Variants in RNF220 observed in about 807,000 individuals in gnomAD.
RNF220 encodes the protein ring finger protein 220.
Under a neutral mutation model 67.1 loss-of-function variants are expected in RNF220, and 7 were observed. That is an observed-to-expected ratio of 0.10 (90% CI 0.06 to 0.20). The LOEUF is 0.20. Among genes scored for constraint, RNF220 ranks in the 10% least tolerant of loss-of-function variants. The probability of loss-of-function intolerance (pLI) is 1.00; values close to 1 mark genes in which losing one functional copy is unlikely to be tolerated. For synonymous variants in RNF220, 270 were observed against 283.2 expected (o/e 0.95, Z 0.47); for missense variants, 565 against 740.3 (o/e 0.76, Z 2.75).
chr1:44,525,474 T>C (rs1458724064), intron 2 of RNF220, among the ~76,000 whole-genome samples: 3 of 152,252 alleles, frequency 2.0e-5, no homozygotes, highest in Admixed American at 6.5e-5. Flanking sequence ...TTGAAACTGC[T>C]GCCCCGCTTT....
intron 2 of RNF220, among the ~76,000 whole-genome samples, chr1:44,443,945 GCC>G (rs1651817166): frequency 2.0e-5 from 3 of 152,156 alleles, no homozygotes; most frequent in Non-Finnish European, 2.9e-5. Flanking sequence ...ACAAAAATTA[GCC>G]GAACATGTTG....
Position 44,649,664 on chromosome 1 carries a change from C to G in RNF220, c.1449C>G (p.Ile483Met). 1 of 1,613,916 alleles carries G rather than the reference C, an allele frequency of 6.2e-7. No individual in the cohort carries two copies. Among genetic ancestry groups the G allele is most frequent in the Non-Finnish European group, 8.5e-7 (1 of 1,179,872 alleles). Residue 483 changes from isoleucine to methionine, a missense_variant, in exon 13 of 15, where the codon ATC becomes ATG. Transcript: ENST00000361799. This position sits in a 1 kb window ranked among gnomAD's most constrained non-coding sequence, Gnocchi z 5.9. ...KTCKNSDIEK[I>M]TEDSAVTTFE... ...AACCATGCCTTCCTTTTTACAGAAT[C>G]ACCGAAGATTCAGCTGTGACCACGT...
At chr1:44,510,744 C>T (rs563153096) in intron 2 of RNF220, among the ~76,000 whole-genome samples, 5 of 152,290 alleles carry the variant, frequency 3.3e-5, no homozygotes, top group Admixed American at 2.6e-4. Flanking sequence ...CCAGTCGTTA[C>T]GCACTGTGAG....
rs1249334632 is a variant in RNF220 at position 44,645,606 on chromosome 1, G to A, written c.1445+118G>A. 8.2e-6 allele frequency: 8 copies of A among 979,690 alleles called. No homozygotes were observed. The highest frequency in any genetic ancestry group is 1.2e-5 in the Non-Finnish European group (8 of 643,754). The allele number at this position is 979,690 out of a possible 1,614,324, so 60.7% of individuals were successfully genotyped here. A position where few individuals can be genotyped will look rare whatever the true frequency, so the allele number is the denominator to read the frequency against. ...GCCCTCCCAAGTGCAGCTCAGTGCTGCTGCCCTGGGCACACGGCCGGCAGT... is the reference window on the plus strand; with the variant it reads ...GCCCTCCCAAGTGCAGCTCAGTGCTACTGCCCTGGGCACACGGCCGGCAGT... On this transcript the variant is annotated intron_variant, in intron 12 of 14. Coordinates refer to ENST00000361799, the MANE Select transcript of RNF220 (RefSeq NM_018150.4). This position sits in a 1 kb window ranked among gnomAD's most constrained non-coding sequence, Gnocchi z 5.0.
In RNF220 at chr1:44,606,188, C is replaced by T. The variant is rs1183383504; in HGVS notation, c.626-7977C>T. 2.6e-5 allele frequency among the ~76,000 whole-genome samples: 4 copies of T among 152,242 alleles called. No homozygotes were observed. Among genetic ancestry groups the T allele is most frequent in the South Asian group, 2.1e-4 (1 of 4,824 alleles). ...TATTTGACGTATTAATAAAACCAGC[C>T]GCATTGCTCTGGCCCGGAGACTGGG... On this transcript the variant is annotated intron_variant, in intron 2 of 14. Transcript: ENST00000361799. This position sits in a 1 kb window ranked among gnomAD's most constrained non-coding sequence, Gnocchi z 4.2.
At chr1:44,430,461 G>A (rs7546419) in intron 2 of RNF220, among the ~76,000 whole-genome samples, 15,114 of 152,096 alleles carry the variant, frequency 0.099, 936 homozygotes, top group Middle Eastern at 0.22. Context: ...TGGATGAAGA[G>A]TATATGGAAA....
At chr1:44,479,202 G>A (rs578032683) in intron 2 of RNF220, among the ~76,000 whole-genome samples, 75 of 150,270 alleles carry the variant, frequency 5.0e-4, no homozygotes, top group Non-Finnish European at 7.4e-4. Flanking sequence ...TGCAACCTCC[G>A]CCTCCCGGGT....
intron 2 of RNF220, among the ~76,000 whole-genome samples, chr1:44,524,659 G>A (rs775189691): frequency 2.6e-5 from 4 of 151,944 alleles, no homozygotes; most frequent in African/African-American, 4.8e-5. Context: ...CACGCTTATC[G>A]CCTTTTTCCC....
At chr1:44,635,975 G>A in intron 7 of RNF220, 55 bp from the exon 8 acceptor site, 1 of 1,612,754 alleles carries the variant, frequency 6.2e-7, no homozygotes, top group South Asian at 1.1e-5. Context: ...TGCAGACTGT[G>A]GGGAGCAGGT....
chr1:44,507,865 G>GC (rs893642021), intron 2 of RNF220, among the ~76,000 whole-genome samples: 43 of 151,054 alleles, frequency 2.8e-4, no homozygotes, highest in East Asian at 1.8e-3. Context: ...GTGTGGAGGT[G>GC]CCCCCCCCTC....
intron 2 of RNF220, among the ~76,000 whole-genome samples, chr1:44,469,967 G>T (rs2147988318): frequency 6.6e-6 from 1 of 152,308 alleles, no homozygotes; most frequent in South Asian, 2.1e-4. Context: ...CCCTTAAAGG[G>T]TTTGAATGGG....
intron 5 of RNF220, chr1:44,626,704 A>G: frequency 3.1e-6 from 1 of 326,284 alleles, no homozygotes; most frequent in South Asian, 5.2e-5. Context: ...TAAGAGACCC[A>G]GATACATAGC....
intron 2 of RNF220, among the ~76,000 whole-genome samples, chr1:44,537,825 G>A (rs147176579): frequency 1.5e-3 from 226 of 152,256 alleles, no homozygotes; most frequent in Non-Finnish European, 5.9e-4. Flanking sequence ...TGACCAGCCC[G>A]CCTTTGTTCT....
At chr1:44,572,964 T>C (rs1046119945) in intron 2 of RNF220, 1 of 406,808 alleles carries the variant, frequency 2.5e-6, no homozygotes, top group Admixed American at 2.7e-5. Flanking sequence ...TGGATAAAGA[T>C]GTGGAGACTT....
intron 2 of RNF220, among the ~76,000 whole-genome samples, chr1:44,528,418 A>G: frequency 6.6e-6 from 1 of 151,556 alleles, no homozygotes; most frequent in Non-Finnish European, 1.5e-5. Flanking sequence ...CTCCTGCCTC[A>G]GCCTCCCCAG....
At chr1:44,485,625 T>C (rs1656217740) in intron 2 of RNF220, among the ~76,000 whole-genome samples, 1 of 152,234 alleles carries the variant, frequency 6.6e-6, no homozygotes, top group Non-Finnish European at 1.5e-5. Context: ...TGTTTTTCAG[T>C]GTCACTGCGG....
intron 2 of RNF220, among the ~76,000 whole-genome samples, chr1:44,496,546 T>C (rs1470376044): frequency 6.6e-6 from 1 of 152,234 alleles, no homozygotes; most frequent in Non-Finnish European, 1.5e-5. Flanking sequence ...AATCCCATGC[T>C]GCAGAGCTGA....
chr1:44,543,870 A>G (rs1661893005), intron 2 of RNF220, among the ~76,000 whole-genome samples: 1 of 152,184 alleles, frequency 6.6e-6, no homozygotes, highest in South Asian at 2.1e-4. Flanking sequence ...TCTGATCCCA[A>G]AGAATCTCCT....
intron 8 of RNF220, among the ~76,000 whole-genome samples, chr1:44,639,006 C>T (rs1053713046): frequency 6.6e-6 from 1 of 152,194 alleles, no homozygotes; most frequent in African/African-American, 2.4e-5. Context: ...TTCTAACCTG[C>T]TACTGCTCTT....
Sources: gnomAD v4.1 joint callset for allele counts (sites outside exome capture counted in the v4.1 genomes callset) on GRCh38, gnomAD v4.1.1 for gene constraint, Gnocchi (gnomAD v3.1) non-coding constraint, MANE v1.5 for transcripts, NCBI Gene and HGNC (gene_info 2026-07-23, HGNC 2026-07-21) for gene names.